RBFOX1: variants seen among roughly 807,000 people sequenced by gnomAD.
The protein encoded by RBFOX1 is RNA binding protein fox-1 homolog 1.
In RBFOX1, 8 loss-of-function variants were observed where a neutral mutation model predicts 57.7. The ratio of observed to expected loss-of-function variants is 0.14; its 90% CI spans 0.08 to 0.25. RBFOX1 has a LOEUF of 0.25. RBFOX1 is among the 10% of genes least tolerant of loss of function. The pLI, the probability that RBFOX1 is intolerant of heterozygous loss-of-function variation, is 1.00. For synonymous variants in RBFOX1, 326 were observed against 222.4 expected, an observed-to-expected ratio of 1.47 and a Z score of -4.15; for missense variants, 611 against 548.5, an observed-to-expected ratio of 1.11 and a Z score of -1.14.
At chr16:7,547,956 A>C (rs925250519) in intron 5 of RBFOX1, among the ~76,000 whole-genome samples, 27 of 152,202 alleles carry the variant, frequency 1.8e-4, no homozygotes, top group African/African-American at 5.8e-4. Context: ...CCAGGTATTA[A>C]GGATAGACTT....
Position 6,422,273 on chromosome 16 carries a change from A to G in RBFOX1, c.-64+105216A>G, listed in dbSNP as rs375301507. The stretch of plus-strand genomic sequence containing the variant: ...CAACTTTCTTTAGATTCAGGGGTAC[A>G]TGTAGGTGCAGGTTTGTTACATGGG... On this transcript the variant is annotated intron_variant, in intron 2 of 15. Coordinates refer to ENST00000550418, the MANE Select transcript of RBFOX1 (RefSeq NM_018723.4). Among the ~76,000 whole-genome samples, 191 of 148,854 alleles carry G rather than the reference A, an allele frequency of 1.3e-3. 1 individual carries two copies. In the South Asian group the frequency reaches 0.018, roughly 14 times the overall value.
chr16:7,178,767 A>T (rs1432284247), intron 4 of RBFOX1, among the ~76,000 whole-genome samples: 1 of 152,212 alleles, frequency 6.6e-6, no homozygotes, highest in African/African-American at 2.4e-5. Flanking sequence ...CAAGCACATT[A>T]TACTGACCAA....
At chr16:7,639,941 A>G (rs544927071) in intron 11 of RBFOX1, among the ~76,000 whole-genome samples, 3 of 152,248 alleles carry the variant, frequency 2.0e-5, no homozygotes, top group East Asian at 3.9e-4. Context: ...CCACCCACCA[A>G]TGGTGAACTC....
intron 1 of RBFOX1, among the ~76,000 whole-genome samples, chr16:5,324,962 G>A (rs1251096397): frequency 3.3e-5 from 5 of 152,184 alleles, no homozygotes; most frequent in African/African-American, 9.7e-5. Flanking sequence ...CCCTGGTGAT[G>A]GGCAGGTGTT....
At chr16:6,989,492 T>C (rs1057288845) in intron 3 of RBFOX1, among the ~76,000 whole-genome samples, 1 of 152,204 alleles carries the variant, frequency 6.6e-6, no homozygotes, top group African/African-American at 2.4e-5. Flanking sequence ...AATTATTATA[T>C]AGCAATCTTT....
chr16:7,448,381 G>A (rs756794761), intron 4 of RBFOX1, among the ~76,000 whole-genome samples: 1 of 152,188 alleles, frequency 6.6e-6, no homozygotes, highest in South Asian at 2.1e-4. Flanking sequence ...GTTCCACATT[G>A]CTGGGGAGAC....
intron 4 of RBFOX1, among the ~76,000 whole-genome samples, chr16:7,272,835 C>A (rs2095352112): frequency 6.9e-6 from 1 of 144,616 alleles, no homozygotes; most frequent in Admixed American, 6.9e-5. Context: ...TCTCCTCCCT[C>A]CCCTCCCTCC....
At chr16:6,394,141 C>G (rs2092721723) in intron 2 of RBFOX1, among the ~76,000 whole-genome samples, 1 of 152,202 alleles carries the variant, frequency 6.6e-6, no homozygotes, top group African/African-American at 2.4e-5. Context: ...TTTCTATTGC[C>G]AGCCCTGAAT....
chr16:6,433,602 C>T (rs894161989), intron 2 of RBFOX1, among the ~76,000 whole-genome samples: 3 of 152,176 alleles, frequency 2.0e-5, no homozygotes, highest in African/African-American at 7.2e-5. Flanking sequence ...AACGTATTAT[C>T]CTCGGGTTCT....
At chr16:7,103,394 G>T (rs543288273) in intron 4 of RBFOX1, among the ~76,000 whole-genome samples, 59 of 152,188 alleles carry the variant, frequency 3.9e-4, no homozygotes, top group African/African-American at 1.1e-3. Flanking sequence ...AGCTGGCCTG[G>T]CCCATTTCTA....
chr16:6,892,565 G>T (rs2065719963), intron 3 of RBFOX1, among the ~76,000 whole-genome samples: 2 of 152,114 alleles, frequency 1.3e-5, no homozygotes, highest in African/African-American at 4.8e-5. Context: ...TGCTACTCAG[G>T]AGCCTGAGGC....
chr16:5,999,786 G>A (rs1319411151), intron 4 of RBFOX1, among the ~76,000 whole-genome samples: 1 of 147,350 alleles, frequency 6.8e-6, no homozygotes, highest in Admixed American at 6.9e-5. Flanking sequence ...GCGTGAACCT[G>A]GGAGGCGGAG....
chr16:6,732,681 T>C (rs2068973016), intron 3 of RBFOX1, among the ~76,000 whole-genome samples: 1 of 152,200 alleles, frequency 6.6e-6, no homozygotes, highest in Non-Finnish European at 1.5e-5. Context: ...ATTTACATAG[T>C]ATGTTGACGT....
intron 3 of RBFOX1, among the ~76,000 whole-genome samples, chr16:7,017,049 C>CT (rs1184790959): frequency 1.3e-5 from 2 of 152,076 alleles, no homozygotes; most frequent in Non-Finnish European, 2.9e-5. Context: ...GCCTCTTTCT[C>CT]TTTTTTTATT....
intron 1 of RBFOX1, among the ~76,000 whole-genome samples, chr16:6,257,123 T>G (rs2097672752): frequency 6.6e-6 from 1 of 152,148 alleles, no homozygotes; most frequent in Admixed American, 6.5e-5. Context: ...TAATTTCATT[T>G]TAAGTTCCAG....
At chr16:5,797,519 G>C (rs554632678) in intron 3 of RBFOX1, among the ~76,000 whole-genome samples, 2 of 152,306 alleles carry the variant, frequency 1.3e-5, no homozygotes, top group Admixed American at 6.5e-5. Flanking sequence ...ACTCAGCTCT[G>C]AGTAGCTGGG....
At chr16:5,853,815 G>C (rs1439174743) in intron 3 of RBFOX1, among the ~76,000 whole-genome samples, 1 of 152,150 alleles carries the variant, frequency 6.6e-6, no homozygotes, top group Non-Finnish European at 1.5e-5. Context: ...GAGTATAGCG[G>C]TTCAATCATA....
At chr16:6,114,581 C>G (rs573416571) in intron 1 of RBFOX1, among the ~76,000 whole-genome samples, 3 of 151,798 alleles carry the variant, frequency 2.0e-5, no homozygotes, top group African/African-American at 7.3e-5. Context: ...GGGGGCGTAA[C>G]TTATGGACTA....
intron 2 of RBFOX1, among the ~76,000 whole-genome samples, chr16:6,456,169 T>C (rs1399679661): frequency 6.6e-6 from 1 of 152,214 alleles, no homozygotes; most frequent in Non-Finnish European, 1.5e-5. Flanking sequence ...GGGAGAAAGA[T>C]ATAAATACTA....
Sources: gnomAD v4.1 joint callset for allele counts (sites outside exome capture counted in the v4.1 genomes callset) on GRCh38, gnomAD v4.1.1 for gene constraint, MANE v1.5 for transcripts, NCBI Gene and HGNC (gene_info 2026-07-23, HGNC 2026-07-21) for gene names.